The following CSMD1 variants were observed in gnomAD, a reference collection of about 807,000 sequenced individuals.
CSMD1 encodes CUB and sushi domain-containing protein 1.
In CSMD1, 213 loss-of-function variants were observed where a neutral mutation model predicts 417.5. The observed-to-expected ratio is 0.51, with a 90% CI of 0.46 to 0.57. The LOEUF (loss-of-function observed/expected upper bound fraction) is 0.57. Among genes scored for constraint, CSMD1 ranks in the 20% least tolerant of loss-of-function variants. The pLI, the probability that CSMD1 is intolerant of heterozygous loss-of-function variation, is 0.00. For missense variants in CSMD1, 6,923 were observed against 4,529.7 expected (o/e 1.53, Z -15.17); for synonymous variants, 2,862 against 1,736.8 (o/e 1.65, Z -16.11).
At chr8:4,278,578 C>G (rs1796610792) in intron 3 of CSMD1, among the ~76,000 whole-genome samples, 1 of 152,194 alleles carries the variant, frequency 6.6e-6, no homozygotes, top group South Asian at 2.1e-4. Context: ...ATAACATATG[C>G]CTATTTTTAG....
In CSMD1 at chr8:3,794,989, C is replaced by A. The variant is rs547340942; in HGVS notation, c.819-40947G>T. Among the ~76,000 whole-genome samples, 22 of 147,182 alleles carry A rather than the reference C, an allele frequency of 1.5e-4. No individual in the cohort carries two copies. The South Asian group carries it at 4.8e-3, about 32-fold the overall frequency. ...TGTATAGCTATAGATATATATCTAT[C>A]TATCATGTATAGCTATAAATACATA... On this transcript the variant is annotated intron_variant, in intron 5 of 69. Coordinates refer to ENST00000635120, the MANE Select transcript of CSMD1 (RefSeq NM_033225.6).
intron 7 of CSMD1, among the ~76,000 whole-genome samples, chr8:3,653,717 G>C (rs925778592): frequency 2.6e-5 from 4 of 152,112 alleles, no homozygotes; most frequent in Non-Finnish European, 5.9e-5. Flanking sequence ...TGAGGAATGA[G>C]GACTCTAGTG....
At chr8:3,206,366 TG>T (rs1358642934) in intron 30 of CSMD1, among the ~76,000 whole-genome samples, 3 of 118,192 alleles carry the variant, frequency 2.5e-5, no homozygotes, top group Non-Finnish European at 5.2e-5. Flanking sequence ...ATGTGTGTAT[TG>T]GGGGTATGTC....
intron 11 of CSMD1, among the ~76,000 whole-genome samples, chr8:3,470,131 T>C (rs1414481857): frequency 2.6e-5 from 4 of 152,188 alleles, no homozygotes; most frequent in African/African-American, 9.7e-5. Flanking sequence ...CCAGTCACCA[T>C]CCTCTCCTCC....
chr8:3,596,147 T>C (rs934843115), intron 8 of CSMD1, among the ~76,000 whole-genome samples: 5 of 151,990 alleles, frequency 3.3e-5, no homozygotes, highest in Non-Finnish European at 7.4e-5. Context: ...GAGGAAACAG[T>C]GAGGAGTGTC....
At chr8:4,201,279 C>G (rs1416730177) in intron 3 of CSMD1, among the ~76,000 whole-genome samples, 3 of 152,174 alleles carry the variant, frequency 2.0e-5, no homozygotes, top group African/African-American at 7.2e-5. Flanking sequence ...TGGCTCACGC[C>G]TGTAATCCCA....
chr8:4,855,114 C>T (rs1010288815), intron 1 of CSMD1, among the ~76,000 whole-genome samples: 3 of 151,824 alleles, frequency 2.0e-5, no homozygotes, highest in Non-Finnish European at 4.4e-5. Flanking sequence ...CCCCTGACCC[C>T]CGAGCAGCCT....
intron 5 of CSMD1, among the ~76,000 whole-genome samples, chr8:3,954,724 C>A (rs543806234): frequency 6.6e-6 from 1 of 152,220 alleles, no homozygotes; most frequent in Non-Finnish European, 1.5e-5. Flanking sequence ...GCAGGCTGCC[C>A]GCATGCGCAG....
intron 12 of CSMD1, among the ~76,000 whole-genome samples, chr8:3,460,859 G>C (rs1231275311): frequency 6.6e-6 from 1 of 152,186 alleles, no homozygotes; most frequent in Non-Finnish European, 1.5e-5. Context: ...AGGTCAGGAA[G>C]CTTGTTCTAG....
intron 5 of CSMD1, among the ~76,000 whole-genome samples, chr8:3,926,714 CTTTT>C (rs56721822): frequency 9.7e-6 from 1 of 103,490 alleles, no homozygotes; most frequent in Admixed American, 1.2e-4. Flanking sequence ...AAATTGACAC[CTTTT>C]TTTTTTTTTT....
At chr8:3,421,452 T>C (rs1277655238) in intron 12 of CSMD1, among the ~76,000 whole-genome samples, 2 of 152,232 alleles carry the variant, frequency 1.3e-5, no homozygotes, top group Non-Finnish European at 2.9e-5. Context: ...CATCATTCTC[T>C]ACCTTATCAA....
intron 3 of CSMD1, among the ~76,000 whole-genome samples, chr8:4,308,118 C>T (rs1189262370): frequency 1.3e-5 from 2 of 152,156 alleles, no homozygotes; most frequent in Admixed American, 1.3e-4. Flanking sequence ...GGTGGCAAAG[C>T]AGGAAGATGT....
intron 3 of CSMD1, among the ~76,000 whole-genome samples, chr8:4,160,457 A>T (rs1797087922): frequency 6.6e-6 from 1 of 152,188 alleles, no homozygotes; most frequent in Admixed American, 6.5e-5. Flanking sequence ...TCAATAAAGT[A>T]AGTGTTGGTC....
rs111850215 is a variant in CSMD1, at chr8:3,923,923, A to G, written c.818+73980T>C. Among the ~76,000 whole-genome samples the G allele has an allele frequency of 5.2e-3, 795 of 152,314 alleles. 7 individuals carry two copies. Among genetic ancestry groups the G allele is most frequent in the African/African-American group, 0.018 (741 of 41,570 alleles). On this transcript the variant is annotated intron_variant, in intron 5 of 69. Transcript: ENST00000635120. ...TATATTGTCCTTTAAATTTCATAAA[A>G]GAGTTAGATTTTTCACCATTATTAC...
At chr8:4,593,257 T>G (rs1432303295) in intron 2 of CSMD1, among the ~76,000 whole-genome samples, 3 of 152,204 alleles carry the variant, frequency 2.0e-5, no homozygotes, top group Admixed American at 6.5e-5. Flanking sequence ...CGCAGGAACA[T>G]GAGCGTTAAT....
chr8:4,783,825 A>G (rs1445200990), intron 1 of CSMD1, among the ~76,000 whole-genome samples: 1 of 152,216 alleles, frequency 6.6e-6, no homozygotes, highest in Non-Finnish European at 1.5e-5. Flanking sequence ...CAGCCTAAGG[A>G]AAACATTCTT....
intron 1 of CSMD1, among the ~76,000 whole-genome samples, chr8:4,706,441 G>A (rs1471335652): frequency 2.6e-5 from 4 of 152,144 alleles, no homozygotes; most frequent in Admixed American, 2.6e-4. Flanking sequence ...TATGACCAAT[G>A]AGCTCAGTAA....
chr8:3,084,606 T>C (rs985253830), intron 49 of CSMD1, among the ~76,000 whole-genome samples: 5 of 151,948 alleles, frequency 3.3e-5, no homozygotes, highest in Non-Finnish European at 7.4e-5. Context: ...AAAATCTCTC[T>C]TTGTTGCACA....
At chr8:4,920,540 G>A (rs1227675436) in intron 1 of CSMD1, among the ~76,000 whole-genome samples, 1 of 152,166 alleles carries the variant, frequency 6.6e-6, no homozygotes, top group African/African-American at 2.4e-5. Flanking sequence ...ACAATGGTGA[G>A]GCCAGGCACA....
Sources: allele counts gnomAD v4.1 joint callset (sites outside exome capture counted in the v4.1 genomes callset), GRCh38; gene constraint gnomAD v4.1.1; transcripts MANE v1.5; gene names NCBI Gene and HGNC (gene_info 2026-07-23, HGNC 2026-07-21).